Variants in CCDC82 observed in about 807,000 individuals in gnomAD.
CCDC82 encodes the protein coiled-coil domain-containing protein 82.
CCDC82 carries 47 observed loss-of-function variants against 60.6 expected under a neutral mutation model. The observed-to-expected ratio is 0.77, with a 90% CI of 0.61 to 0.99. The LOEUF is 0.99. Ranked by LOEUF, CCDC82 falls within the 50% of genes least tolerant of loss-of-function variation. The pLI is 0.00. For missense variants in CCDC82, 588 were observed against 633.0 expected, an observed-to-expected ratio of 0.93 and a Z score of 0.76; for synonymous variants, 212 against 207.4, an observed-to-expected ratio of 1.02 and a Z score of -0.19.
chr11:96,358,970 A>C, intron 9 of CCDC82, 23 bp downstream of exon 9: 1 of 1,566,942 alleles, frequency 6.4e-7, no homozygotes, highest in Non-Finnish European at 8.6e-7. Flanking sequence ...CTACATGATA[A>C]GATTCTCATA....
In CCDC82 at chr11:96,354,915, C is replaced by G. The variant is rs1864270553; in HGVS notation, c.1567-1201G>C. On this transcript the variant is annotated intron_variant, in intron 9 of 9. Transcript: ENST00000646818. Reference sequence around the variant, plus strand: ...TGACTTTTGTGGTGATAGGGACCTACAGAAGGGAATGTTGAGAAGTGCATT... The same window carrying G: ...TGACTTTTGTGGTGATAGGGACCTAGAGAAGGGAATGTTGAGAAGTGCATT... The G allele has an allele frequency of 2.0e-5, 3 of 152,238 alleles. No individual in the cohort carries two copies. The South Asian group carries it at 6.2e-4, about 32-fold the overall frequency. 9.4% of individuals were successfully genotyped at this position (152,238 alleles called of 1,614,324 possible). A position where few individuals can be genotyped will look rare whatever the true frequency, so the allele number is the denominator to read the frequency against.
intron 9 of CCDC82, 168 bp from the exon 10 acceptor site, chr11:96,353,882 TATA>T: frequency 2.0e-6 from 1 of 496,784 alleles, no homozygotes; most frequent in Non-Finnish European, 3.6e-6. Context: ...TCCTAACTCA[TATA>T]TAACTCATAT....
chr11:96,383,000 A>C (rs1327914273), intron 5 of CCDC82: 3 of 304,168 alleles, frequency 9.9e-6, no homozygotes, highest in Non-Finnish European at 1.8e-5. Context: ...TAATAAATAT[A>C]TTTTAAATTT....
At chr11:96,356,431 T>C (rs1864352507) in intron 9 of CCDC82, 1 of 985,140 alleles carries the variant, frequency 1.0e-6, no homozygotes, top group South Asian at 4.7e-5. Flanking sequence ...ATTTACAGTA[T>C]GAATGGGCAT....
intron 8 of CCDC82, 31 bp downstream of exon 8, chr11:96,364,949 C>A (rs148875506): frequency 6.5e-7 from 1 of 1,546,088 alleles, no homozygotes. Flanking sequence ...TTTCTAAATA[C>A]TGAAAATTAA....
intron 8 of CCDC82, 132 bp from the exon 9 acceptor site, chr11:96,359,310 C>T: frequency 1.4e-6 from 1 of 698,566 alleles, no homozygotes. Flanking sequence ...TTTACCTTCT[C>T]TTACTTATAC....
rs750124135 is a variant in CCDC82 at position 96,383,515 on chromosome 11, A to G, written c.787-42T>C. ...AAATGCTTCAGTAAATGGTGCTATT[A>G]AAACGGTAAGCATCGATATAAAATT... On this transcript the variant is annotated intron_variant, in intron 4 of 9. Coordinates refer to ENST00000646818, the MANE Select transcript of CCDC82 (RefSeq NM_024725.4). 4 of 1,279,946 alleles carry G rather than the reference A, an allele frequency of 3.1e-6. No homozygotes were observed. The African/African-American group carries it at 6.0e-5, about 19-fold the overall frequency. 79.3% of individuals were successfully genotyped at this position (1,279,946 alleles called of 1,614,324 possible). A position where few individuals can be genotyped will look rare whatever the true frequency, so the allele number is the denominator to read the frequency against.
intron 9 of CCDC82, chr11:96,358,614 AC>A (rs1198427357): frequency 8.1e-7 from 1 of 1,237,226 alleles, no homozygotes; most frequent in African/African-American, 1.6e-5. Flanking sequence ...GGTCACAAGA[AC>A]TGTTCTAAAG....
chr11:96,367,318 G>A (rs935349594), intron 7 of CCDC82, among the ~76,000 whole-genome samples: 1 of 152,174 alleles, frequency 6.6e-6, no homozygotes. Flanking sequence ...ATACAGAATA[G>A]AACTTATTTC....
chr11:96,384,833 AT>A, intron 3 of CCDC82, 72 bp from the exon 4 acceptor site: 1 of 928,678 alleles, frequency 1.1e-6, no homozygotes, highest in Non-Finnish European at 1.5e-6. Flanking sequence ...TATGGTATAA[AT>A]TATATTTATT....
At chr11:96,363,469 C>T (rs935648048) in intron 8 of CCDC82, 13 of 152,164 alleles carry the variant, frequency 8.5e-5, no homozygotes, top group African/African-American at 2.4e-4. Flanking sequence ...ACTAACTTAA[C>T]GTTTACATAT....
At chr11:96,360,150 T>C (rs1189257590) in intron 8 of CCDC82, among the ~76,000 whole-genome samples, 5 of 147,226 alleles carry the variant, frequency 3.4e-5, no homozygotes, top group African/African-American at 1.2e-4. Flanking sequence ...AATATAGATA[T>C]TTAAAATATT....
In CCDC82 at chr11:96,371,062, G is replaced by A. The variant is rs1865235878; in HGVS notation, c.1160C>T (p.Pro387Leu). 2.4e-5 allele frequency: 38 copies of A among 1,607,432 alleles called. No individual in the cohort carries two copies. Among genetic ancestry groups the A allele is most frequent in the Non-Finnish European group, 3.1e-5 (37 of 1,177,152 alleles). ...TCTAGATACCAAGCTCTCTAGACGA[G>A]GCTGAACAAAGCGGTTATCCAAATA... ...LHYLDNRFVQ[P>L]RLESLVSRSR... Residue 387 changes from proline to leucine, a missense_variant, in exon 7 of 10, where the codon CCT becomes CTT. Coordinates refer to ENST00000646818, the MANE Select transcript of CCDC82 (RefSeq NM_024725.4).
At chr11:96,365,555 C>T (rs889450012) in intron 7 of CCDC82, among the ~76,000 whole-genome samples, 2 of 152,168 alleles carry the variant, frequency 1.3e-5, no homozygotes, top group Non-Finnish European at 2.9e-5. Flanking sequence ...ATCACATTCA[C>T]TTTCCATTAT....
At chr11:96,365,175 A>T in intron 7 of CCDC82, 25 bp from the exon 8 acceptor site, 1 of 1,398,618 alleles carries the variant, frequency 7.1e-7, no homozygotes. Context: ...TATAAAAAAA[A>T]GTTTAAAAGA....
chr11:96,358,757 G>T, intron 9 of CCDC82: 2 of 912,246 alleles, frequency 2.2e-6, no homozygotes, highest in Non-Finnish European at 3.1e-6. Flanking sequence ...ATAAAGGACA[G>T]TGTTAATGCT....
In CCDC82 at chr11:96,372,975, A is replaced by G. The variant is rs1241037230; in HGVS notation, c.1084+400T>C. Among the ~76,000 whole-genome samples the G allele has an allele frequency of 3.9e-5, 6 of 152,168 alleles. 1 individual carries two copies. The highest frequency in any genetic ancestry group is 3.9e-4 in the Admixed American group (6 of 15,280). Reference sequence around the variant, plus strand: ...CTCACCTAAAACATCTGGGACAAAAAGGGATTCTATTCTAAGAAGAAACAG... The same window carrying G: ...CTCACCTAAAACATCTGGGACAAAAGGGGATTCTATTCTAAGAAGAAACAG... On this transcript the variant is annotated intron_variant, in intron 6 of 9. Coordinates refer to ENST00000646818, the MANE Select transcript of CCDC82 (RefSeq NM_024725.4).
At chr11:96,369,621 A>G (rs911202195) in intron 7 of CCDC82, among the ~76,000 whole-genome samples, 2 of 152,184 alleles carry the variant, frequency 1.3e-5, no homozygotes, top group African/African-American at 2.4e-5. Context: ...CCCTCAAACA[A>G]TTATAATAGT....
chr11:96,376,270 G>C (rs985915898), intron 5 of CCDC82, among the ~76,000 whole-genome samples: 7 of 151,706 alleles, frequency 4.6e-5, no homozygotes, highest in African/African-American at 1.5e-4. Flanking sequence ...CTTTAGAATT[G>C]TTTTGCAAAG....
Sources: gnomAD v4.1 joint callset for allele counts (sites outside exome capture counted in the v4.1 genomes callset) on GRCh38, gnomAD v4.1.1 for gene constraint, MANE v1.5 for transcripts, NCBI Gene and HGNC (gene_info 2026-07-23, HGNC 2026-07-21) for gene names.